NPHP4: variants seen among roughly 807,000 people sequenced by gnomAD.
The protein encoded by NPHP4 is nephrocystin-4.
In NPHP4, 151 loss-of-function variants were observed where a neutral mutation model predicts 155.8. That is an observed-to-expected ratio of 0.97 (90% CI 0.85 to 1.11). The LOEUF is 1.11. NPHP4 is among the 50% of genes least tolerant of loss of function. The pLI, the probability that NPHP4 is intolerant of heterozygous loss-of-function variation, is 0.00. For missense variants in NPHP4, 1,956 were observed against 1,925.7 expected (o/e 1.02, Z -0.29); for synonymous variants, 845 against 816.8 (o/e 1.03, Z -0.59).
intron 9 of NPHP4, among the ~76,000 whole-genome samples, chr1:5,939,370 G>A (rs1458901149): frequency 6.6e-6 from 1 of 152,228 alleles, no homozygotes; most frequent in African/African-American, 2.4e-5. Context: ...AAACTGTCAC[G>A]CATTTGGAGC....
At chr1:5,963,012 C>T (rs549396806) in intron 5 of NPHP4, among the ~76,000 whole-genome samples, 11 of 152,332 alleles carry the variant, frequency 7.2e-5, no homozygotes, top group African/African-American at 2.6e-4. Flanking sequence ...CAGCTGTGGC[C>T]GGGCCAGGGA....
intron 9 of NPHP4, among the ~76,000 whole-genome samples, chr1:5,941,497 G>T (rs1382102775): frequency 1.3e-5 from 2 of 151,872 alleles, no homozygotes; most frequent in Non-Finnish European, 2.9e-5. Flanking sequence ...AAAGATAAAT[G>T]ACAAAATGAG....
intron 5 of NPHP4, 40 bp downstream of exon 5, chr1:5,967,259 G>C (rs568405382): frequency 1.3e-6 from 2 of 1,520,836 alleles, no homozygotes; most frequent in Non-Finnish European, 1.8e-6. Context: ...GGGAAGGCAC[G>C]AGAGCAGTGA....
In NPHP4 at chr1:5,951,002, GCAAAA is replaced by G. The variant is rs534118293; in HGVS notation, c.810+1693_810+1697del. On this transcript the variant is annotated intron_variant, in intron 7 of 29. Coordinates refer to ENST00000378156, the MANE Select transcript of NPHP4 (RefSeq NM_015102.5). ...GGGAGCATGGTCTTGAGCAAAAGCAGCAAAACAAAACAGAAGAAAAAAGTACGACT... is the reference window on the plus strand; with the variant it reads ...GGGAGCATGGTCTTGAGCAAAAGCAGCAAAACAGAAGAAAAAAGTACGACT... Among the ~76,000 whole-genome samples the G allele has an allele frequency of 4.3e-3, 649 of 152,312 alleles. 6 individuals are homozygous for G. The highest frequency in any genetic ancestry group is 0.014 in the African/African-American group (602 of 41,572).
intron 9 of NPHP4, among the ~76,000 whole-genome samples, chr1:5,933,855 TCG>T (rs1348362361): frequency 6.6e-6 from 1 of 152,192 alleles, no homozygotes; most frequent in Non-Finnish European, 1.5e-5. Context: ...ATAGCACATT[TCG>T]TATCTGTAGC....
chr1:5,870,566 G>A (rs190794428), intron 23 of NPHP4, among the ~76,000 whole-genome samples: 9 of 152,222 alleles, frequency 5.9e-5, no homozygotes, highest in East Asian at 3.9e-4. Context: ...GTATTTGAAC[G>A]GCCTCAGTAT....
intron 11 of NPHP4, among the ~76,000 whole-genome samples, chr1:5,912,065 A>T (rs1405677143): frequency 3.3e-5 from 5 of 152,234 alleles, no homozygotes; most frequent in Non-Finnish European, 7.3e-5. Flanking sequence ...ACAGACGAGC[A>T]CAAGGCTGTC....
chr1:5,937,609 C>T (rs1646612342), intron 9 of NPHP4, among the ~76,000 whole-genome samples: 1 of 152,154 alleles, frequency 6.6e-6, no homozygotes, highest in Non-Finnish European at 1.5e-5. Flanking sequence ...GGCGGCCGTT[C>T]TCTGGGTAAT....
chr1:5,917,198 G>T (rs1221603928), intron 11 of NPHP4, among the ~76,000 whole-genome samples: 1 of 152,044 alleles, frequency 6.6e-6, no homozygotes, highest in African/African-American at 2.4e-5. Flanking sequence ...CACCAAGAAG[G>T]GTGTGTGACC....
chr1:5,970,334 C>T (rs1002094143), intron 3 of NPHP4, among the ~76,000 whole-genome samples: 2 of 152,048 alleles, frequency 1.3e-5, no homozygotes, highest in Non-Finnish European at 2.9e-5. Context: ...CAAACACCAT[C>T]CCTATGAAAA....
At chr1:5,896,722 C>T (rs1182341675) in intron 16 of NPHP4, among the ~76,000 whole-genome samples, 2 of 152,176 alleles carry the variant, frequency 1.3e-5, no homozygotes, top group East Asian at 1.9e-4. Flanking sequence ...TCAAAGCACC[C>T]CATATCCTGA....
intron 11 of NPHP4, among the ~76,000 whole-genome samples, chr1:5,911,060 C>T (rs980609662): frequency 3.9e-5 from 6 of 152,194 alleles, no homozygotes; most frequent in Non-Finnish European, 7.3e-5. Flanking sequence ...AGGAACCTGC[C>T]CTTCTATAAA....
At position 5,874,572 on chromosome 1, in the gene NPHP4, G is replaced by A. The variant is rs754198250; in HGVS notation, c.3130C>T (p.Arg1044Cys). ...TAGAGCTGGGGGGCCAGGCTGCCACGCAGGTGGAACATGTCCTCCTCCACC... is the reference window on the plus strand; with the variant it reads ...TAGAGCTGGGGGGCCAGGCTGCCACACAGGTGGAACATGTCCTCCTCCACC... The part of the protein sequence containing the change: ...TPVEEDMFHL[R>C]GSLAPQLYLR... The change falls in exon 22 of 30, where the codon CGT becomes TGT. Residue 1044 changes from arginine to cysteine, a missense_variant. By Grantham distance (180) the Arg-to-Cys change is radical. Transcript: ENST00000378156. The A allele has an allele frequency of 3.5e-5, 56 of 1,608,676 alleles. No homozygotes were observed. Among genetic ancestry groups the A allele is most frequent in the Non-Finnish European group, 4.2e-5 (49 of 1,178,086 alleles).
intron 7 of NPHP4, among the ~76,000 whole-genome samples, chr1:5,949,787 T>C (rs1489094533): frequency 6.6e-6 from 1 of 152,046 alleles, no homozygotes; most frequent in Non-Finnish European, 1.5e-5. Context: ...GGCAGAGGCA[T>C]GCCTGAATCC....
chr1:5,915,446 G>T (rs1359103504), intron 11 of NPHP4, among the ~76,000 whole-genome samples: 2 of 152,176 alleles, frequency 1.3e-5, no homozygotes, highest in Non-Finnish European at 2.9e-5. Context: ...CCACTTGAAA[G>T]GCCTTTATTC....
intron 11 of NPHP4, 62 bp from the exon 12 acceptor site, chr1:5,909,275 C>T (rs1645063684): frequency 7.6e-7 from 1 of 1,310,960 alleles, no homozygotes; most frequent in Non-Finnish European, 1.1e-6. Context: ...GGGCAGTGGG[C>T]CCCTGAACCC....
chr1:5,926,992 G>A lies in NPHP4; in HGVS notation c.1441+657C>T, dbSNP rs184264859. Among the ~76,000 whole-genome samples, 14 of 152,320 alleles carry A rather than the reference G, an allele frequency of 9.2e-5. No individual in the cohort carries two copies. The East Asian group carries it at 1.2e-3, about 13-fold the overall frequency. The stretch of plus-strand genomic sequence containing the variant: ...AGGTGGACTACTCCAACACTCCCTC[G>A]TACCTTCCGCCCCTCACTTCAGTAT... On this transcript the variant is annotated intron_variant, in intron 11 of 29. Transcript: ENST00000378156.
rs1557842533 is a variant in NPHP4 at position 5,961,836 on chromosome 1, GA to G, written c.630del (p.Leu211CysfsTer104). On this transcript the variant is annotated frameshift_variant, in exon 6 of 30. Transcript: ENST00000378156. LOFTEE classifies it high-confidence loss of function. ...HLLPENLLVS[G>X]LQQIPGLLPA... Reference sequence around the variant, plus strand: ...GGAAGCAGGCCAGGTATCTGCTGCAGACCAGACACCAGAAGGTTCTCAGGAA... The same window carrying G: ...GGAAGCAGGCCAGGTATCTGCTGCAGCCAGACACCAGAAGGTTCTCAGGAA... The G allele has an allele frequency of 6.2e-7, 1 of 1,613,538 alleles. No individual in the cohort carries two copies. The highest frequency in any genetic ancestry group is 2.2e-5 in the East Asian group (1 of 44,886).
intron 3 of NPHP4, among the ~76,000 whole-genome samples, chr1:5,976,940 A>C (rs1475245869): frequency 6.6e-6 from 1 of 152,140 alleles, no homozygotes; most frequent in African/African-American, 2.4e-5. Context: ...AACGTCTCAA[A>C]GGACGGCCAC....
Sources: allele counts gnomAD v4.1 joint callset (sites outside exome capture counted in the v4.1 genomes callset), GRCh38; gene constraint gnomAD v4.1.1; transcripts MANE v1.5; gene names NCBI Gene and HGNC (gene_info 2026-07-23, HGNC 2026-07-21).